DOCK7: variants seen among roughly 807,000 people sequenced by gnomAD.
DOCK7 encodes the protein dedicator of cytokinesis protein 7.
DOCK7 carries 138 observed loss-of-function variants against 271.0 expected under a neutral mutation model. The observed-to-expected ratio is 0.51, with a 90% CI of 0.44 to 0.59. The LOEUF (loss-of-function observed/expected upper bound fraction) is 0.59, where lower values mean the gene tolerates loss of function less well. Ranked by LOEUF, DOCK7 falls within the 20% of genes least tolerant of loss-of-function variation. DOCK7 has a pLI of 0.00. For missense variants in DOCK7, 2,066 were observed against 2,592.4 expected (o/e 0.80, Z 4.41); for synonymous variants, 823 against 876.1 (o/e 0.94, Z 1.07).
chr1:62,632,119 A>T (rs544919078), intron 10 of DOCK7, among the ~76,000 whole-genome samples: 1 of 152,252 alleles, frequency 6.6e-6, no homozygotes, highest in African/African-American at 2.4e-5. Flanking sequence ...CTCTTTGCAG[A>T]TGGGATGTTG....
In DOCK7 at chr1:62,505,689, A is replaced by G; in HGVS notation, c.4604T>C (p.Val1535Ala). The change falls in exon 36 of 50, where the codon GTT (valine) becomes GCT (alanine). Residue 1535 changes from valine to alanine, a missense_variant. This residue lies in a region of DOCK7 where 652 missense variants were observed against 922.1 expected (regional missense o/e 0.71). Transcript: ENST00000635253. ...QHCFATQRAL[V>A]SKFPELLFEE... is the part of the protein sequence containing the mutation. Reference sequence around the variant, plus strand: ...AGGTACAAAATAACCTACCTTTGAAACCAAGGCTCTCTGTGTAGCAAAACA... The same window carrying G: ...AGGTACAAAATAACCTACCTTTGAAGCCAAGGCTCTCTGTGTAGCAAAACA... The G allele has an allele frequency of 1.2e-6, 2 of 1,606,646 alleles. No individual in the cohort carries two copies. The highest frequency in any genetic ancestry group is 1.7e-6 in the Non-Finnish European group (2 of 1,177,560).
In DOCK7 at chr1:62,474,021, T is replaced by C. The variant is rs1440890912; in HGVS notation, c.6173A>G (p.His2058Arg). The change falls in exon 48 of 50, where the codon CAT (histidine) becomes CGT (arginine). Residue 2058 changes from histidine (H) to arginine (R), a missense_variant. His to Arg is a conservative substitution (Grantham distance 29). This residue lies in a region of DOCK7 where 652 missense variants were observed against 922.1 expected (regional missense o/e 0.71). Transcript: ENST00000635253. Reference sequence around the variant, plus strand: ...TTTAAAGCAGAGTCGCAGTTTATTATGATGTCTGAAGAGCTTTGGGTCACT... The same window carrying C: ...TTTAAAGCAGAGTCGCAGTTTATTACGATGTCTGAAGAGCTTTGGGTCACT... ...IPSDPKLFRH[H>R]NKLRLCFKDF... is the part of the protein sequence containing the mutation. 1.2e-6 allele frequency: 2 copies of C among 1,613,980 alleles called. No individual in the cohort carries two copies. The highest frequency in any genetic ancestry group is 2.7e-5 in the African/African-American group (2 of 74,946).
At chr1:62,501,049 G>C (rs977702254) in intron 37 of DOCK7, among the ~76,000 whole-genome samples, 12 of 151,952 alleles carry the variant, frequency 7.9e-5, no homozygotes, top group South Asian at 2.1e-4. Context: ...TTTTTAAAAG[G>C]GGGGGTGAGT....
At chr1:62,485,342 TCACACACACA>T (rs141017482) in intron 43 of DOCK7, 1 of 890,438 alleles carries the variant, frequency 1.1e-6, no homozygotes, top group African/African-American at 1.8e-5. Context: ...GAGTTATCTT[TCACACACACA>T]CACACACACC....
chr1:62,683,491 T>C (rs1470522449), intron 1 of DOCK7, among the ~76,000 whole-genome samples: 1 of 152,146 alleles, frequency 6.6e-6, no homozygotes, highest in Non-Finnish European at 1.5e-5. Flanking sequence ...ATGGAAACCT[T>C]TCATTAAATT....
intron 13 of DOCK7, 56 bp downstream of exon 13, chr1:62,619,844 C>G: frequency 3.6e-6 from 4 of 1,119,360 alleles, no homozygotes; most frequent in African/African-American, 1.6e-5. Flanking sequence ...ATAAGCAATA[C>G]AACATAGTAG....
rs2149370624 is a variant in DOCK7 at position 62,528,283 on chromosome 1, T to C, written c.3804A>G (p.Arg1268=). The change falls in exon 31 of 50, where the codon AGA becomes AGG. Residue 1268 remains arginine (R), a synonymous_variant. Coordinates refer to ENST00000635253, the MANE Select transcript of DOCK7 (RefSeq NM_001367561.1). ...AATCATCAGTGGCTATACAAATTGG[T>C]CTTCCTCGTTGATTGTGAGTTTCTA... ...DFTETHNQRG[R]PICIATDDYE... 2 of 1,612,158 alleles carry C rather than the reference T, an allele frequency of 1.2e-6. No homozygotes were observed. The highest frequency in any genetic ancestry group is 4.5e-5 in the East Asian group (2 of 44,786).
intron 1 of DOCK7, among the ~76,000 whole-genome samples, chr1:62,675,906 C>T (rs142148020): frequency 6.6e-6 from 1 of 152,256 alleles, no homozygotes; most frequent in East Asian, 1.9e-4. Context: ...TGTTAGCAAG[C>T]ATATGGAGAA....
chr1:62,485,593 G>T, intron 43 of DOCK7: 1 of 985,150 alleles, frequency 1.0e-6, no homozygotes, highest in Non-Finnish European at 1.2e-6. Context: ...ATTGCTTTTA[G>T]AAAAAACAAA....
At chr1:62,586,938 A>G (rs935376765) in intron 14 of DOCK7, among the ~76,000 whole-genome samples, 1 of 152,012 alleles carries the variant, frequency 6.6e-6, no homozygotes, top group Non-Finnish European at 1.5e-5. Flanking sequence ...CATTATCTTC[A>G]CTCTACAAGA....
chr1:62,587,058 G>A (rs1647636296), intron 14 of DOCK7, among the ~76,000 whole-genome samples: 1 of 151,978 alleles, frequency 6.6e-6, no homozygotes, highest in African/African-American at 2.4e-5. Flanking sequence ...ATTTATAAAT[G>A]TGGCTTTTGT....
chr1:62,538,890 A>G (rs1042079328), intron 27 of DOCK7, among the ~76,000 whole-genome samples: 4 of 152,164 alleles, frequency 2.6e-5, no homozygotes, highest in Admixed American at 1.3e-4. Flanking sequence ...AGAAATATGT[A>G]TATTTTTAAA....
chr1:62,630,017 A>C (rs1351027250), intron 11 of DOCK7, among the ~76,000 whole-genome samples: 1 of 152,226 alleles, frequency 6.6e-6, no homozygotes, highest in Non-Finnish European at 1.5e-5. Flanking sequence ...GCATGAAAGA[A>C]GGCAGTGTAT....
intron 48 of DOCK7, among the ~76,000 whole-genome samples, chr1:62,473,516 G>A (rs1424663940): frequency 6.6e-6 from 1 of 152,106 alleles, no homozygotes; most frequent in Non-Finnish European, 1.5e-5. Flanking sequence ...ATAAGTATAT[G>A]CTATTAAAGA....
Position 62,529,421 on chromosome 1 carries a change from T to G in DOCK7, c.3637A>C (p.Ile1213Leu). The G allele has an allele frequency of 6.2e-7, 1 of 1,611,756 alleles. No homozygotes were observed. The highest frequency in any genetic ancestry group is 8.5e-7 in the Non-Finnish European group (1 of 1,179,318). Residue 1213 changes from isoleucine (I) to leucine (L), a missense_variant, in exon 30 of 50, where the codon ATC (isoleucine) becomes CTC (leucine). Ile to Leu is a conservative substitution (Grantham distance 5). Around this residue, in one of 2 missense-constraint regions of DOCK7, gnomAD observed 1,414 missense variants for 1,670.4 expected, o/e 0.85. Transcript: ENST00000635253. ...GAGAGTAAATTGTGTACCATATTGA[T>G]GACTTTCTTATGCAATCCAAACAGT... ...EGLFGLHKKV[I>L]NMVHNLLSSH...
intron 1 of DOCK7, among the ~76,000 whole-genome samples, chr1:62,668,978 C>T (rs985601628): frequency 1.3e-5 from 2 of 148,932 alleles, no homozygotes; most frequent in Non-Finnish European, 3.0e-5. Context: ...AGTGGGGAAA[C>T]GAACAAATCA....
chr1:62,537,778 G>A (rs1645394364), intron 28 of DOCK7, 113 bp downstream of exon 28: 1 of 968,248 alleles, frequency 1.0e-6, no homozygotes, highest in East Asian at 2.6e-5. Flanking sequence ...AAAGCACTAA[G>A]AACTGAGCCT....
At chr1:62,636,215 T>C (rs534797971) in intron 8 of DOCK7, among the ~76,000 whole-genome samples, 3 of 152,330 alleles carry the variant, frequency 2.0e-5, no homozygotes, top group Admixed American at 1.3e-4. Flanking sequence ...TTGAAAATCA[T>C]GTCAATAAAA....
intron 12 of DOCK7, among the ~76,000 whole-genome samples, chr1:62,624,409 C>T (rs1653674503): frequency 6.6e-6 from 1 of 152,072 alleles, no homozygotes; most frequent in South Asian, 2.1e-4. Context: ...AGATTTGACT[C>T]ATGGTTAAAA....
Sources: gnomAD v4.1 joint callset for allele counts (sites outside exome capture counted in the v4.1 genomes callset) on GRCh38, gnomAD v4.1.1 for gene constraint, gnomAD v4.1.1 regional missense constraint, MANE v1.5 for transcripts, NCBI Gene and HGNC (gene_info 2026-07-23, HGNC 2026-07-21) for gene names.